TBC1D2B: variants seen among roughly 807,000 people sequenced by gnomAD.
TBC1D2B encodes TBC1 domain family, member 2B.
In TBC1D2B, 64 loss-of-function variants were observed where a neutral mutation model predicts 100.8. The observed-to-expected ratio is 0.64, with a 90% CI of 0.52 to 0.78. The LOEUF is 0.78. Among genes scored for constraint, TBC1D2B ranks in the 30% least tolerant of loss-of-function variants. The pLI is 0.00. For missense variants in TBC1D2B, 1,052 were observed against 1,218.4 expected (o/e 0.86, Z 2.03); for synonymous variants, 480 against 479.7 (o/e 1.00, Z -0.01).
At chr15:78,002,323 T>G (rs983489612) in intron 11 of TBC1D2B, among the ~76,000 whole-genome samples, 59 of 152,212 alleles carry the variant, frequency 3.9e-4, no homozygotes, top group Admixed American at 1.9e-3. Context: ...TAGCTGGGAC[T>G]ACAGGCGCCC....
rs148761849 is a variant in TBC1D2B at position 78,044,940 on chromosome 15, T to C, written c.643A>G (p.Ile215Val). 12 of 1,613,356 alleles carry C rather than the reference T, an allele frequency of 7.4e-6. No homozygotes were observed. The highest frequency in any genetic ancestry group is 6.7e-5 in the Admixed American group (4 of 59,934). The change falls in exon 3 of 13, where the codon ATT becomes GTT. Residue 215 changes from isoleucine (I) to valine (V), a missense_variant. Physicochemically the swap from Ile to Val is conservative, Grantham distance 29. Coordinates refer to ENST00000300584, the MANE Select transcript of TBC1D2B (RefSeq NM_144572.2). ...NQPAPGHPNSINFYSLKQWGN... is the reference protein window; with the variant it reads ...NQPAPGHPNSVNFYSLKQWGN... Reference sequence around the variant, plus strand: ...CACTGTTTCAAAGAGTAAAAATTAATGGAATTTGGATGCCCTGGGGCGGGC... The same window carrying C: ...CACTGTTTCAAAGAGTAAAAATTAACGGAATTTGGATGCCCTGGGGCGGGC...
intron 2 of TBC1D2B, among the ~76,000 whole-genome samples, chr15:78,053,121 C>T (rs2073350273): frequency 6.6e-6 from 1 of 152,186 alleles, no homozygotes; most frequent in Admixed American, 6.5e-5. Context: ...GCCTTTGTTT[C>T]TGGAGTAAAT....
intron 3 of TBC1D2B, among the ~76,000 whole-genome samples, chr15:78,034,971 C>T (rs1390307675): frequency 1.3e-5 from 2 of 151,830 alleles, no homozygotes; most frequent in Non-Finnish European, 2.9e-5. Flanking sequence ...GAGGAGTTCA[C>T]AGCTGGTTTA....
chr15:78,017,736 C>T, intron 7 of TBC1D2B, 111 bp downstream of exon 7: 1 of 614,978 alleles, frequency 1.6e-6, no homozygotes, highest in African/African-American at 1.9e-5. Flanking sequence ...TTATCAGTAA[C>T]CACATCTCTC....
chr15:78,054,937 C>A (rs1222314535), intron 1 of TBC1D2B, among the ~76,000 whole-genome samples: 1 of 151,948 alleles, frequency 6.6e-6, no homozygotes, highest in Non-Finnish European at 1.5e-5. Flanking sequence ...AGAACTTTGT[C>A]TGGAGAAAGG....
chr15:78,047,338 A>G (rs543021706), intron 2 of TBC1D2B, among the ~76,000 whole-genome samples: 1 of 152,142 alleles, frequency 6.6e-6, no homozygotes, highest in Non-Finnish European at 1.5e-5. Flanking sequence ...CACCGAGGGC[A>G]CAACAACCAA....
At chr15:78,068,345 G>A (rs910835382) in intron 1 of TBC1D2B, among the ~76,000 whole-genome samples, 17 of 147,794 alleles carry the variant, frequency 1.2e-4, no homozygotes, top group Admixed American at 2.7e-4. Flanking sequence ...CACTACAAAC[G>A]TCCGTTTCAC....
chr15:78,031,623 G>GAAAGTA (rs2072817625), intron 3 of TBC1D2B, among the ~76,000 whole-genome samples: 2 of 147,694 alleles, frequency 1.4e-5, no homozygotes, highest in Non-Finnish European at 3.0e-5. Flanking sequence ...AAAATGCAGT[G>GAAAGTA]GAAATATGAC....
At chr15:78,001,592 G>C (rs747315016) in intron 12 of TBC1D2B, 27 bp downstream of exon 12, 2 of 1,593,150 alleles carry the variant, frequency 1.3e-6, no homozygotes, top group Non-Finnish European at 1.7e-6. Flanking sequence ...TGCTCTCCTT[G>C]ACATCTGAGA....
chr15:78,053,969 T>C lies in TBC1D2B; in HGVS notation c.514+65A>G. On this transcript the variant is annotated intron_variant, in intron 2 of 12. Coordinates refer to ENST00000300584, the MANE Select transcript of TBC1D2B (RefSeq NM_144572.2). The stretch of plus-strand genomic sequence containing the variant: ...AAATTCATTTTCATTCACTGCTAAG[T>C]TCATATGTGGTATCGAATGGCTTAC... The C allele has an allele frequency of 2.0e-6, 3 of 1,496,304 alleles. No homozygotes were observed. In the South Asian group the frequency reaches 3.8e-5, roughly 19 times the overall value. 92.7% of individuals were successfully genotyped at this position (1,496,304 alleles called of 1,614,324 possible).
chr15:78,047,787 T>G (rs771133136), intron 2 of TBC1D2B, among the ~76,000 whole-genome samples: 4 of 152,080 alleles, frequency 2.6e-5, no homozygotes, highest in African/African-American at 4.8e-5. Context: ...GTGTACCTAC[T>G]AGAGAGCACA....
chr15:78,025,243 CAGA>C lies in TBC1D2B; in HGVS notation c.1086+13_1086+15del, dbSNP rs746736048. The C allele has an allele frequency of 8.6e-5, 139 of 1,608,918 alleles. No homozygotes were observed. The highest frequency in any genetic ancestry group is 3.8e-4 in the Middle Eastern group (2 of 5,312). On this transcript the variant is annotated intron_variant, in intron 5 of 12. Transcript: ENST00000300584. ...TGCTGAGGTGGGGTAAGACAGAAGC[CAGA>C]AGAAGAAGTTACCTTCTGACTGGAC...
chr15:78,067,719 A>C (rs538448514), intron 1 of TBC1D2B, among the ~76,000 whole-genome samples: 1 of 152,320 alleles, frequency 6.6e-6, no homozygotes, highest in African/African-American at 2.4e-5. Context: ...CTCAGCTACC[A>C]AATCCCCACT....
At chr15:77,999,806 C>T (rs896644950) in intron 12 of TBC1D2B, among the ~76,000 whole-genome samples, 2 of 152,226 alleles carry the variant, frequency 1.3e-5, no homozygotes, top group Non-Finnish European at 2.9e-5. Flanking sequence ...GACGCCAGAC[C>T]CCACCTCTGC....
intron 2 of TBC1D2B, among the ~76,000 whole-genome samples, chr15:78,049,781 C>T (rs987881643): frequency 3.9e-5 from 6 of 152,070 alleles, no homozygotes; most frequent in African/African-American, 1.4e-4. Flanking sequence ...GCAATCTAAC[C>T]CCACTCAGCA....
Position 78,075,468 on chromosome 15 carries a change from G to A in TBC1D2B, c.360+1825C>T, listed in dbSNP as rs1355217352. Among the ~76,000 whole-genome samples, 5 of 152,168 alleles carry A rather than the reference G, an allele frequency of 3.3e-5. No homozygotes were observed. The East Asian group carries it at 7.7e-4, about 23-fold the overall frequency. ...CCGTCTCGGCCTCCCAAAGTGCTGG[G>A]ATTACAGGAGATTCAGATTATTTTA... is the stretch of plus-strand genomic sequence containing the variant. On this transcript the variant is annotated intron_variant, in intron 1 of 12. Transcript: ENST00000300584.
chr15:78,040,883 AG>A lies in TBC1D2B; in HGVS notation c.683+4016del, dbSNP rs1409476330. Among the ~76,000 whole-genome samples, 337 of 137,952 alleles carry A rather than the reference AG, an allele frequency of 2.4e-3. 7 individuals are homozygous for A. Among genetic ancestry groups the A allele is most frequent in the African/African-American group, 8.2e-3 (293 of 35,528 alleles). The allele number at this position is 137,952 out of a possible 152,430, so 90.5% of individuals were successfully genotyped here. A position where few individuals can be genotyped will look rare whatever the true frequency, so the allele number is the denominator to read the frequency against. ...GAAAGAAAGAAAGAAAGAAAGAAAGAGAGAGAGAGAGAAAGAAAGAAAGAAA... is the reference window on the plus strand; with the variant it reads ...GAAAGAAAGAAAGAAAGAAAGAAAGAAGAGAGAGAGAAAGAAAGAAAGAAA... On this transcript the variant is annotated intron_variant, in intron 3 of 12. Transcript: ENST00000300584.
At chr15:78,075,849 G>C (rs1297010225) in intron 1 of TBC1D2B, among the ~76,000 whole-genome samples, 1 of 150,752 alleles carries the variant, frequency 6.6e-6, no homozygotes, top group African/African-American at 2.4e-5. Context: ...ACATCTCCAG[G>C]GAGCAGCTCC....
chr15:78,055,648 G>T (rs2073406659), intron 1 of TBC1D2B, among the ~76,000 whole-genome samples: 1 of 152,220 alleles, frequency 6.6e-6, no homozygotes, highest in African/African-American at 2.4e-5. Context: ...GGTCTTTTTA[G>T]TGATACTTGC....
Sources: gnomAD v4.1 joint callset for allele counts (sites outside exome capture counted in the v4.1 genomes callset) on GRCh38, gnomAD v4.1.1 for gene constraint, MANE v1.5 for transcripts, NCBI Gene and HGNC (gene_info 2026-07-23, HGNC 2026-07-21) for gene names.